The following MAGI2 variants were observed in gnomAD, a reference collection of about 807,000 sequenced individuals.
MAGI2 encodes the protein membrane-associated guanylate kinase, WW and PDZ domain-containing protein 2.
A neutral mutation model predicts 133.3 loss-of-function variants in MAGI2; 35 were observed. The observed-to-expected ratio is 0.26, with a 90% CI of 0.20 to 0.35. The LOEUF is 0.35. Among genes scored for constraint, MAGI2 ranks in the 10% least tolerant of loss-of-function variants. The pLI, the probability that MAGI2 is intolerant of heterozygous loss-of-function variation, is 1.00. For synonymous variants in MAGI2, 729 were observed against 710.6 expected (o/e 1.03, Z -0.41); for missense variants, 1,636 against 1,863.4 (o/e 0.88, Z 2.25).
At position 79,232,536 on chromosome 7, in the gene MAGI2, C is replaced by T. The variant is rs1316144214; in HGVS notation, c.301+220484G>A. 3.1e-4 allele frequency among the ~76,000 whole-genome samples: 39 copies of T among 126,080 alleles called. No homozygotes were observed. In the East Asian group the frequency reaches 6.9e-3, roughly 22 times the overall value. 82.7% of individuals were successfully genotyped at this position (126,080 alleles called of 152,430 possible). On this transcript the variant is annotated intron_variant, in intron 1 of 21. Coordinates refer to ENST00000354212, the MANE Select transcript of MAGI2 (RefSeq NM_012301.4). ...TTTAGTCTTGGGAGAGTGTATGTGT[C>T]GAGGAATTTATCCATTTCTTCTAGA...
At chr7:78,765,996 G>A (rs144656211) in intron 2 of MAGI2, among the ~76,000 whole-genome samples, 2 of 152,180 alleles carry the variant, frequency 1.3e-5, no homozygotes, top group Non-Finnish European at 2.9e-5. Flanking sequence ...CTGAAAGAAA[G>A]GCTCTTCATA....
At chr7:78,483,198 TA>T (rs1387266477) in intron 6 of MAGI2, among the ~76,000 whole-genome samples, 2 of 151,962 alleles carry the variant, frequency 1.3e-5, no homozygotes, top group African/African-American at 4.8e-5. Flanking sequence ...TTTCAAAATT[TA>T]AAATGTTTTT....
At chr7:78,117,679 A>T (rs2150486856) in intron 20 of MAGI2, among the ~76,000 whole-genome samples, 1 of 152,196 alleles carries the variant, frequency 6.6e-6, no homozygotes, top group East Asian at 1.9e-4. Flanking sequence ...AATGAAATTT[A>T]AAAAAAAGAA....
chr7:78,065,646 A>C, intron 21 of MAGI2: 1 of 695,024 alleles, frequency 1.4e-6, no homozygotes, highest in Non-Finnish European at 2.6e-6. Context: ...ACATGGAGAG[A>C]CTGGAAGGTA....
chr7:78,784,265 T>C (rs992833162), intron 2 of MAGI2, among the ~76,000 whole-genome samples: 5 of 152,004 alleles, frequency 3.3e-5, no homozygotes, highest in Non-Finnish European at 7.4e-5. Flanking sequence ...TATGGCATGT[T>C]GGCATGCTGA....
chr7:78,892,389 C>G (rs1796839626), intron 2 of MAGI2, among the ~76,000 whole-genome samples: 1 of 152,106 alleles, frequency 6.6e-6, no homozygotes, highest in South Asian at 2.1e-4. Context: ...CTTTAAAGTT[C>G]ATATGGAACC....
intron 3 of MAGI2, among the ~76,000 whole-genome samples, chr7:78,532,101 G>C (rs1797519604): frequency 6.6e-6 from 1 of 152,294 alleles, no homozygotes; most frequent in South Asian, 2.1e-4. Context: ...TTAAATGACT[G>C]TGAACCGGGC....
chr7:78,370,534 A>G (rs1793817552), intron 6 of MAGI2, among the ~76,000 whole-genome samples: 1 of 151,926 alleles, frequency 6.6e-6, no homozygotes, highest in African/African-American at 2.4e-5. Flanking sequence ...AAATTCCTAG[A>G]TGTGAAATTT....
At chr7:79,165,325 T>G (rs1353025909) in intron 1 of MAGI2, among the ~76,000 whole-genome samples, 1 of 152,002 alleles carries the variant, frequency 6.6e-6, no homozygotes, top group Non-Finnish European at 1.5e-5. Context: ...ATCCTCTGAC[T>G]TTTGAAAGCT....
intron 16 of MAGI2, among the ~76,000 whole-genome samples, chr7:78,143,863 A>G (rs930578038): frequency 1.3e-5 from 2 of 151,146 alleles, no homozygotes; most frequent in Non-Finnish European, 2.9e-5. Flanking sequence ...AAACTGCTAT[A>G]TGATCTTATT....
At chr7:78,337,289 C>G (rs950426314) in intron 9 of MAGI2, among the ~76,000 whole-genome samples, 1 of 152,206 alleles carries the variant, frequency 6.6e-6, no homozygotes, top group Admixed American at 6.5e-5. Context: ...TCTGGAACAT[C>G]ATAGGATCAT....
Position 79,195,653 on chromosome 7 carries a change from C to T in MAGI2, c.302-188447G>A, listed in dbSNP as rs112045445. On this transcript the variant is annotated intron_variant, in intron 1 of 21. Coordinates refer to ENST00000354212, the MANE Select transcript of MAGI2 (RefSeq NM_012301.4). ...CTGCCCAGCAATGGAGAGTCACACG[C>T]TAATCCTTAAGACCACGGCACTGAG... Among the ~76,000 whole-genome samples the T allele has an allele frequency of 2.7e-3, 412 of 152,048 alleles. 3 individuals carry two copies. The highest frequency in any genetic ancestry group is 3.9e-3 in the Non-Finnish European group (263 of 68,000).
chr7:79,010,783 T>C (rs182676067), intron 1 of MAGI2: 1 of 152,050 alleles, frequency 6.6e-6, no homozygotes. Flanking sequence ...GTGAAAAAAA[T>C]TTTATTTCCT....
At chr7:79,020,961 G>T (rs1809271367) in intron 1 of MAGI2, among the ~76,000 whole-genome samples, 1 of 152,138 alleles carries the variant, frequency 6.6e-6, no homozygotes, top group Non-Finnish European at 1.5e-5. Flanking sequence ...TTGGGACATG[G>T]TCCCCTACAT....
rs1239583646 is a variant in MAGI2, at chr7:78,608,449, GTA to G, written c.538+18669_538+18670del. Among the ~76,000 whole-genome samples, 42 of 148,976 alleles carry G rather than the reference GTA, an allele frequency of 2.8e-4. 1 individual carries two copies. Among genetic ancestry groups the G allele is most frequent in the African/African-American group, 9.0e-4 (36 of 39,880 alleles). ...ACTGAATGTGTGTGCATATATATAT[GTA>G]TATATATATGTGTGTGTATGTATAT... On this transcript the variant is annotated intron_variant, in intron 3 of 21. Coordinates refer to ENST00000354212, the MANE Select transcript of MAGI2 (RefSeq NM_012301.4).
At chr7:79,310,348 A>T (rs189055738) in intron 1 of MAGI2, among the ~76,000 whole-genome samples, 32 of 152,164 alleles carry the variant, frequency 2.1e-4, no homozygotes, top group Admixed American at 5.9e-4. Flanking sequence ...TGAAGCAACC[A>T]AAAGAGGGAA....
rs144729385 is a variant in MAGI2 at position 78,375,409 on chromosome 7, G to C, written c.1046-6196C>G. Among the ~76,000 whole-genome samples, 1,118 of 152,100 alleles carry C rather than the reference G, an allele frequency of 7.4e-3. 14 individuals carry two copies. Among genetic ancestry groups the C allele is most frequent in the African/African-American group, 0.025 (1,044 of 41,490 alleles). On this transcript the variant is annotated intron_variant, in intron 6 of 21. Coordinates refer to ENST00000354212, the MANE Select transcript of MAGI2 (RefSeq NM_012301.4). Reference sequence around the variant, plus strand: ...CATTGGTTATGTAAATTCATGTAAGGTTGTATGGAGGTCTATTCTGGTGGG... The same window carrying C: ...CATTGGTTATGTAAATTCATGTAAGCTTGTATGGAGGTCTATTCTGGTGGG...
chr7:78,853,570 G>A (rs777242943), intron 2 of MAGI2, among the ~76,000 whole-genome samples: 19 of 151,276 alleles, frequency 1.3e-4, no homozygotes, highest in Non-Finnish European at 2.8e-4. Context: ...TGCCCAGACT[G>A]GTCTCAAACT....
At chr7:78,790,833 G>A (rs372774777) in intron 2 of MAGI2, among the ~76,000 whole-genome samples, 184 of 152,226 alleles carry the variant, frequency 1.2e-3, no homozygotes, top group African/African-American at 4.2e-3. Flanking sequence ...TACTATGTAC[G>A]TAAGTGTCAT....
Sources: allele counts gnomAD v4.1 joint callset (sites outside exome capture counted in the v4.1 genomes callset), GRCh38; gene constraint gnomAD v4.1.1; transcripts MANE v1.5; gene names NCBI Gene and HGNC (gene_info 2026-07-23, HGNC 2026-07-21).